The following CCNA1 variants were observed in gnomAD, a reference collection of about 807,000 sequenced individuals.
CCNA1 encodes the protein cyclin A1.
CCNA1 carries 23 observed loss-of-function variants against 54.1 expected under a neutral mutation model. The observed-to-expected ratio is 0.42, with a 90% CI of 0.31 to 0.60. CCNA1 has a LOEUF of 0.60. Ranked by LOEUF, CCNA1 falls within the 20% of genes least tolerant of loss-of-function variation. The pLI is 0.14. For synonymous variants in CCNA1, 208 were observed against 213.9 expected (o/e 0.97, Z 0.24); for missense variants, 450 against 556.7 (o/e 0.81, Z 1.93).
In CCNA1 at chr13:36,433,224, A is replaced by C. The variant is rs375831080; in HGVS notation, c.297+3A>C. 6.2e-7 allele frequency: 1 copy of C among 1,608,544 alleles called. No homozygotes were observed. Among genetic ancestry groups the C allele is most frequent in the Non-Finnish European group, 8.5e-7 (1 of 1,177,246 alleles). ...AGTACAGGAGGACCTGTGGCCAGGT[A>C]ATGACTCAGACGCATTGAGAATGAT... On this transcript the variant is annotated splice_donor_region_variant and intron_variant, in intron 2 of 8. Transcript: ENST00000255465.
chr13:36,436,115 A>G (rs1027630833), intron 2 of CCNA1, among the ~76,000 whole-genome samples: 3 of 152,064 alleles, frequency 2.0e-5, no homozygotes, highest in Non-Finnish European at 2.9e-5. Flanking sequence ...TGGCTTACTT[A>G]CTCTCCACCT....
In CCNA1 at chr13:36,437,756, T is replaced by A. The variant is rs61733784; in HGVS notation, c.425T>A (p.Leu142Gln). 2.9e-4 allele frequency: 465 copies of A among 1,614,178 alleles called. 1 individual carries two copies. Among genetic ancestry groups the A allele is most frequent in the Non-Finnish European group, 3.8e-4 (451 of 1,180,016 alleles). Residue 142 changes from leucine (L) to glutamine (Q), a missense_variant, in exon 3 of 9, where the codon CTA becomes CAA. Transcript: ENST00000255465. ...GGGTTTGACATCTACATGGATGAAC[T>A]AGAGCAGGGGGACAGAGACAGCTGC...
chr13:36,436,425 A>G (rs189444172), intron 2 of CCNA1, among the ~76,000 whole-genome samples: 43 of 152,134 alleles, frequency 2.8e-4, no homozygotes, highest in South Asian at 6.2e-4. Flanking sequence ...TAGAATATAA[A>G]CTCCATCAAG....
intron 2 of CCNA1, among the ~76,000 whole-genome samples, chr13:36,435,242 T>C (rs1037808225): frequency 1.6e-4 from 25 of 152,226 alleles, no homozygotes; most frequent in African/African-American, 6.0e-4. Flanking sequence ...TCTTGAGAGT[T>C]TGTCGTATCT....
At chr13:36,431,626 TCTC>T (rs993614924), upstream of CCNA1, 2 of 152,196 alleles carry the variant, frequency 1.3e-5, no homozygotes, top group East Asian at 1.9e-4. Flanking sequence ...AATCCCCACA[TCTC>T]CTCTGCCGCC....
Position 36,441,085 on chromosome 13 carries a change from T to G in CCNA1, c.1099-33T>G, listed in dbSNP as rs376205726. 5.1e-6 allele frequency: 6 copies of G among 1,177,324 alleles called. No homozygotes were observed. In the African/African-American group the frequency reaches 9.1e-5, roughly 18 times the overall value. 72.9% of individuals were successfully genotyped at this position (1,177,324 alleles called of 1,614,324 possible). On this transcript the variant is annotated intron_variant, in intron 6 of 8. Transcript: ENST00000255465. ...TTACTTGTGACCTTAGTCACATTTC[T>G]AATTCCAATGTGTTTTCTTCTCTTG...
rs1355971961 is a variant in CCNA1 at position 36,432,589 on chromosome 13, G to A, written c.-33G>A. On this transcript the variant is annotated 5_prime_UTR_variant, in exon 1 of 9. Transcript: ENST00000255465. ...TGGGGCCTCCTGTCTGGTGGGAGGA[G>A]GCCGCAGCGCAGCACCCTGCTCGTC... The A allele has an allele frequency of 7.0e-7, 1 of 1,428,668 alleles. No homozygotes were observed. The highest frequency in any genetic ancestry group is 9.5e-7 in the Non-Finnish European group (1 of 1,050,214). The allele number at this position is 1,428,668 out of a possible 1,614,324, so 88.5% of individuals were successfully genotyped here.
At chr13:36,442,080 A>G in intron 7 of CCNA1, 91 bp from the exon 8 acceptor site, 1 of 956,530 alleles carries the variant, frequency 1.0e-6, no homozygotes, top group Non-Finnish European at 1.6e-6. Flanking sequence ...AATATTTACT[A>G]AGGGACTAAT....
rs2137824787 is a variant in CCNA1 at position 36,437,802 on chromosome 13, A to G, written c.471A>G (p.Ala157=). The change falls in exon 3 of 9, where the codon GCA becomes GCG. Residue 157 remains alanine, a synonymous_variant. Coordinates refer to ENST00000255465, the MANE Select transcript of CCNA1 (RefSeq NM_003914.4). ...GCTGCTCGGTCAGAGAGGGGATGGC[A>G]TTTGAGGATGTGTATGAAGTAGACA... 6.2e-7 allele frequency: 1 copy of G among 1,614,170 alleles called. No individual in the cohort carries two copies. The highest frequency in any genetic ancestry group is 1.1e-5 in the South Asian group (1 of 91,090).
chr13:36,434,491 G>C (rs912706918), intron 2 of CCNA1, among the ~76,000 whole-genome samples: 1 of 152,114 alleles, frequency 6.6e-6, no homozygotes, highest in Admixed American at 6.6e-5. Context: ...TAACGCCTGA[G>C]ACTTGGTTCT....
intron 2 of CCNA1, among the ~76,000 whole-genome samples, chr13:36,434,515 T>C (rs552375929): frequency 6.4e-4 from 97 of 152,264 alleles, no homozygotes; most frequent in African/African-American, 1.9e-3. Context: ...GAATTGTCAG[T>C]TGTGCCTGTG....
chr13:36,442,603 T>G lies in CCNA1; in HGVS notation c.1347-11T>G. ...TGGCTTGTGCTGACCTTGCTTTGGG[T>G]CTTGTTTCAGGTACCTGTGTGTGTC... On this transcript the variant is annotated splice_polypyrimidine_tract_variant and intron_variant, in intron 8 of 8. Coordinates refer to ENST00000255465, the MANE Select transcript of CCNA1 (RefSeq NM_003914.4). 1 of 1,613,886 alleles carries G rather than the reference T, an allele frequency of 6.2e-7. No individual in the cohort carries two copies. Among genetic ancestry groups the G allele is most frequent in the Non-Finnish European group, 8.5e-7 (1 of 1,179,864 alleles).
rs2055886705 is a variant in CCNA1, at chr13:36,442,428, C to A, written c.1346+124C>A. On this transcript the variant is annotated intron_variant, in intron 8 of 8. Coordinates refer to ENST00000255465, the MANE Select transcript of CCNA1 (RefSeq NM_003914.4). ...GTGCCAGGTTGGAAAAGTAAGGGTA[C>A]GTGTACAAATTTACAAATAAATTTG... 17 of 1,177,800 alleles carry A rather than the reference C, an allele frequency of 1.4e-5. No individual in the cohort carries two copies. In the South Asian group the frequency reaches 2.2e-4, roughly 15 times the overall value. The allele number at this position is 1,177,800 out of a possible 1,614,324, so 73.0% of individuals were successfully genotyped here.
intron 4 of CCNA1, 74 bp from the exon 5 acceptor site, chr13:36,438,570 T>A (rs2055836600): frequency 9.5e-7 from 1 of 1,047,336 alleles, no homozygotes; most frequent in African/African-American, 1.6e-5. Flanking sequence ...GTGAGATTTT[T>A]AAATAGCAAC....
chr13:36,441,107 C>T lies in CCNA1; in HGVS notation c.1099-11C>T, dbSNP rs1257289240. On this transcript the variant is annotated splice_polypyrimidine_tract_variant and intron_variant, in intron 6 of 8. Transcript: ENST00000255465. ...TTCTAATTCCAATGTGTTTTCTTCT[C>T]TTGTGCTTAGTACGTAGCAGAGCTG... 1 of 1,462,772 alleles carries T rather than the reference C, an allele frequency of 6.8e-7. No individual in the cohort carries two copies. The highest frequency in any genetic ancestry group is 1.8e-5 in the Admixed American group (1 of 57,024). 90.6% of individuals were successfully genotyped at this position (1,462,772 alleles called of 1,614,324 possible). A position where few individuals can be genotyped will look rare whatever the true frequency, so the allele number is the denominator to read the frequency against.
rs1460608295 is a variant in CCNA1, at chr13:36,442,303, A to G, written c.1345A>G (p.Lys449Glu). Reference sequence around the variant, plus strand: ...AATTAGGGAGAAGTACAAGGCTTCAAAGTAAGTCACTGACATTTTCATATC... The same window carrying G: ...AATTAGGGAGAAGTACAAGGCTTCAGAGTAAGTCACTGACATTTTCATATC... Residue 449 changes from lysine to glutamate, a missense_variant and splice_region_variant, in exon 8 of 9, where the codon AAG becomes GAG. By Grantham distance (56) the Lys-to-Glu change is moderately conservative. Coordinates refer to ENST00000255465, the MANE Select transcript of CCNA1 (RefSeq NM_003914.4). 1.9e-6 allele frequency: 3 copies of G among 1,613,644 alleles called. No individual in the cohort carries two copies. Among genetic ancestry groups the G allele is most frequent in the Admixed American group, 1.7e-5 (1 of 59,992 alleles).
rs780127979 is a variant in CCNA1, at chr13:36,441,113, C to G, written c.1099-5C>G. On this transcript the variant is annotated splice_region_variant and splice_polypyrimidine_tract_variant and intron_variant, in intron 6 of 8. Transcript: ENST00000255465. ...TTCCAATGTGTTTTCTTCTCTTGTG[C>G]TTAGTACGTAGCAGAGCTGAGTCTA... is the stretch of plus-strand genomic sequence containing the variant. The G allele has an allele frequency of 6.9e-5, 105 of 1,512,284 alleles. No individual in the cohort carries two copies. In the Middle Eastern group the frequency reaches 2.9e-3, roughly 42 times the overall value. 93.7% of individuals were successfully genotyped at this position (1,512,284 alleles called of 1,614,324 possible).
chr13:36,432,285 G>T, upstream of CCNA1: 1 of 270,454 alleles, frequency 3.7e-6, no homozygotes, highest in Non-Finnish European at 6.9e-6. Context: ...AGACGCGGGT[G>T]GGCAGCTCAG....
chr13:36,442,478 C>T, intron 8 of CCNA1, 136 bp from the exon 9 acceptor site: 1 of 1,096,654 alleles, frequency 9.1e-7, no homozygotes, highest in Non-Finnish European at 1.3e-6. Context: ...TATAATTTGT[C>T]AGCTTTTAAT....
Sources: allele counts gnomAD v4.1 joint callset (sites outside exome capture counted in the v4.1 genomes callset), GRCh38; gene constraint gnomAD v4.1.1; transcripts MANE v1.5; gene names NCBI Gene and HGNC (gene_info 2026-07-23, HGNC 2026-07-21).